The following NID1 variants were observed in gnomAD, a reference collection of about 807,000 sequenced individuals.
The protein encoded by NID1 is nidogen 1, also known as nidogen-1.
In NID1, 76 loss-of-function variants were observed where a neutral mutation model predicts 130.6. The observed-to-expected ratio is 0.58, with a 90% CI of 0.48 to 0.70. The LOEUF is 0.70. Ranked by LOEUF, NID1 falls within the 30% of genes least tolerant of loss-of-function variation. The pLI is 0.00. For synonymous variants in NID1, 665 were observed against 675.1 expected (o/e 0.98, Z 0.23); for missense variants, 1,517 against 1,664.8 (o/e 0.91, Z 1.54).
chr1:235,986,757 C>A (rs1280904093), intron 14 of NID1, among the ~76,000 whole-genome samples: 1 of 152,200 alleles, frequency 6.6e-6, no homozygotes, highest in Admixed American at 6.5e-5. Context: ...CCAGTGCGCC[C>A]AGACAAGGCT....
intron 12 of NID1, among the ~76,000 whole-genome samples, chr1:236,001,397 G>A (rs1342208798): frequency 6.6e-6 from 1 of 152,062 alleles, no homozygotes; most frequent in African/African-American, 2.4e-5. Context: ...GAGCCACCAC[G>A]CCCAGCCTGG....
chr1:236,055,114 G>C (rs778239074), intron 1 of NID1, among the ~76,000 whole-genome samples: 83 of 151,956 alleles, frequency 5.5e-4, no homozygotes, highest in Non-Finnish European at 7.8e-4. Context: ...ACCATCCTGG[G>C]TAACACGGTG....
At chr1:236,038,870 A>AAC (rs1553348275) in intron 4 of NID1, among the ~76,000 whole-genome samples, 25 of 127,856 alleles carry the variant, frequency 2.0e-4, no homozygotes, top group African/African-American at 4.0e-4. Flanking sequence ...GGTCATATAT[A>AAC]ATATATATTA....
At chr1:236,008,865 C>G (rs1034247756) in intron 12 of NID1, among the ~76,000 whole-genome samples, 1 of 151,962 alleles carries the variant, frequency 6.6e-6, no homozygotes, top group Admixed American at 6.6e-5. Context: ...GGGGTTTCTC[C>G]GTGTTGGTCA....
intron 15 of NID1, among the ~76,000 whole-genome samples, chr1:235,984,645 A>G (rs1657523172): frequency 6.6e-6 from 1 of 152,252 alleles, no homozygotes; most frequent in Non-Finnish European, 1.5e-5. Flanking sequence ...GAGCAAAAAT[A>G]TTCCCAAGTC....
chr1:235,994,274 T>C lies in NID1; in HGVS notation c.2528-402A>G, dbSNP rs570590923. 1.6e-4 allele frequency among the ~76,000 whole-genome samples: 24 copies of C among 152,308 alleles called. 1 individual carries two copies. The Middle Eastern group carries it at 0.021, about 130-fold the overall frequency. ...GCCTCTCGGGTTCAAGTGATTCTCC[T>C]GCCTCAGCCTCCTGAGTAGCTGGGA... is the stretch of plus-strand genomic sequence containing the variant. On this transcript the variant is annotated intron_variant, in intron 12 of 19. Coordinates refer to ENST00000264187, the MANE Select transcript of NID1 (RefSeq NM_002508.3).
rs1256928815 is a variant in NID1, at chr1:236,025,876, C to T, written c.1984+20G>A. ...AAAATGCATGAGCACCTGTGCCCAG[C>T]ATGAGCTGTATCCCCTTACCCCTCA... On this transcript the variant is annotated intron_variant, in intron 8 of 19. Transcript: ENST00000264187. 1.9e-6 allele frequency: 3 copies of T among 1,610,854 alleles called. No individual in the cohort carries two copies. In the Admixed American group the frequency reaches 5.0e-5, roughly 27 times the overall value.
intron 12 of NID1, among the ~76,000 whole-genome samples, chr1:236,000,961 C>T (rs531934937): frequency 6.6e-6 from 1 of 152,276 alleles, no homozygotes; most frequent in East Asian, 1.9e-4. Context: ...TATTCAGCAT[C>T]TTCCTGCACA....
chr1:236,063,153 C>CAAAAAA (rs57769010), intron 1 of NID1, among the ~76,000 whole-genome samples: 20 of 79,690 alleles, frequency 2.5e-4, no homozygotes, highest in African/African-American at 1.2e-3. Flanking sequence ...GACTTCATCT[C>CAAAAAA]AAAAAAAAAA....
Position 236,045,834 on chromosome 1 carries a change from A to G in NID1, c.526-151T>C, listed in dbSNP as rs1659586172. 3 of 637,434 alleles carry G rather than the reference A, an allele frequency of 4.7e-6. No individual in the cohort carries two copies. In the South Asian group the frequency reaches 6.3e-5, roughly 13 times the overall value. 39.5% of individuals were successfully genotyped at this position (637,434 alleles called of 1,614,324 possible). On this transcript the variant is annotated intron_variant, in intron 2 of 19. Coordinates refer to ENST00000264187, the MANE Select transcript of NID1 (RefSeq NM_002508.3). Reference sequence around the variant, plus strand: ...TAAAAGAAGGACTTTTGTAGCAAGAACCTAGGATTCTGGGATAGTTCCACT... The same window carrying G: ...TAAAAGAAGGACTTTTGTAGCAAGAGCCTAGGATTCTGGGATAGTTCCACT...
chr1:235,980,560 G>C lies in NID1; in HGVS notation c.3321C>G (p.Asp1107Glu). The change falls in exon 17 of 20, where the codon GAC (aspartate) becomes GAG (glutamate). Residue 1107 changes from aspartate to glutamate, a missense_variant. By Grantham distance (45) the Asp-to-Glu change is conservative (BLOSUM62 2). This residue lies in a region of NID1 where 181 missense variants were observed against 211.3 expected (regional missense o/e 0.86). Transcript: ENST00000264187. ...GTNRRILVQD[D>E]LGLPNGLTFD... Reference sequence around the variant, plus strand: ...AGGTCAGTCCATTGGGCAAGCCCAGGTCATCCTGCACAAGGATCCTCCGGT... The same window carrying C: ...AGGTCAGTCCATTGGGCAAGCCCAGCTCATCCTGCACAAGGATCCTCCGGT... 6.2e-7 allele frequency: 1 copy of C among 1,614,190 alleles called. No individual in the cohort carries two copies.
rs963831293 is a variant in NID1 at position 235,979,223 on chromosome 1, A to G, written c.3510-116T>C. The G allele has an allele frequency of 1.5e-6, 1 of 683,694 alleles. No individual in the cohort carries two copies. Among genetic ancestry groups the G allele is most frequent in the African/African-American group, 1.8e-5 (1 of 55,950 alleles). The allele number at this position is 683,694 out of a possible 1,614,324, so 42.4% of individuals were successfully genotyped here. On this transcript the variant is annotated intron_variant, in intron 18 of 19. Coordinates refer to ENST00000264187, the MANE Select transcript of NID1 (RefSeq NM_002508.3). This position sits in a 1 kb window ranked among gnomAD's most constrained non-coding sequence, Gnocchi z 4.6. ...AAACTGGAGGCCATAAACAGACATGATGGCCTTCTTCCTAGACATCCCTTC... is the reference window on the plus strand; with the variant it reads ...AAACTGGAGGCCATAAACAGACATGGTGGCCTTCTTCCTAGACATCCCTTC...
In NID1 at chr1:235,993,659, C is replaced by A. The variant is rs1168411665; in HGVS notation, c.2741G>T (p.Gly914Val). The stretch of plus-strand genomic sequence containing the variant: ...CACCCACTTACACGGGGGCGTCATC[C>A]CGGGCCTGGTCCTGGTGCCCTCCAC... Reference protein sequence around the residue: ...REVEGTRTRPGMTPPCLSTVA... With the variant: ...REVEGTRTRPVMTPPCLSTVA... Residue 914 changes from glycine (G) to valine (V), a missense_variant, in exon 13 of 20, where the codon GGG becomes GTG. Gly to Val is a moderately radical substitution (Grantham distance 109, BLOSUM62 -3). This residue lies in a region of NID1 where 1,329 missense variants were observed against 1,429.2 expected (regional missense o/e 0.93). Transcript: ENST00000264187. The A allele has an allele frequency of 5.1e-6, 8 of 1,557,158 alleles. No individual in the cohort carries two copies. Among genetic ancestry groups the A allele is most frequent in the Admixed American group, 3.7e-5 (2 of 54,702 alleles).
chr1:236,017,273 T>A lies in NID1; in HGVS notation c.2129A>T (p.Asp710Val). The A allele has an allele frequency of 6.2e-7, 1 of 1,613,562 alleles. No individual in the cohort carries two copies. Residue 710 changes from aspartate (D) to valine (V), a missense_variant and splice_region_variant, in exon 10 of 20, where the codon GAT (aspartate) becomes GTT (valine). Coordinates refer to ENST00000264187, the MANE Select transcript of NID1 (RefSeq NM_002508.3). ...GFRGDGRTCY[D>V]IDECSEQPSV... ...GGGTTGTTCTGAACATTCATCAATA[T>A]CTGCAGCAAAAATTTTTTTTTACTG...
At chr1:236,027,000 C>T (rs1246117134) in intron 7 of NID1, among the ~76,000 whole-genome samples, 1 of 151,888 alleles carries the variant, frequency 6.6e-6, no homozygotes, top group Non-Finnish European at 1.5e-5. Context: ...CTCGGCCTCC[C>T]AAAGTGCTGG....
chr1:236,028,265 A>G (rs771721912), intron 7 of NID1, among the ~76,000 whole-genome samples: 1 of 152,242 alleles, frequency 6.6e-6, no homozygotes, highest in Non-Finnish European at 1.5e-5. Flanking sequence ...TGAAAAGGTG[A>G]AGATATAACA....
At chr1:236,012,071 C>A (rs1055139030) in intron 11 of NID1, 28 bp from the exon 12 acceptor site, 2 of 1,599,242 alleles carry the variant, frequency 1.3e-6, no homozygotes, top group Non-Finnish European at 1.7e-6. Flanking sequence ...GGCCCAGGGA[C>A]AATGAGATTT....
intron 12 of NID1, among the ~76,000 whole-genome samples, chr1:236,000,795 T>C (rs1242199473): frequency 2.0e-5 from 3 of 152,240 alleles, no homozygotes; most frequent in Non-Finnish European, 4.4e-5. Context: ...TCTGTGTTCA[T>C]TCAAATAAAT....
intron 5 of NID1, among the ~76,000 whole-genome samples, chr1:236,036,984 ATGG>A (rs1659279163): frequency 6.6e-6 from 1 of 152,232 alleles, no homozygotes; most frequent in South Asian, 2.1e-4. Context: ...AACGTTTAAC[ATGG>A]TGGGGTTTTG....
Sources: gnomAD v4.1 joint callset for allele counts (sites outside exome capture counted in the v4.1 genomes callset) on GRCh38, gnomAD v4.1.1 for gene constraint, gnomAD v4.1.1 regional missense constraint, Gnocchi (gnomAD v3.1) non-coding constraint, MANE v1.5 for transcripts, NCBI Gene and HGNC (gene_info 2026-07-23, HGNC 2026-07-21) for gene names.